MGA: variants seen among roughly 807,000 people sequenced by gnomAD.
MGA encodes the protein MAX gene-associated protein.
MGA carries 40 observed loss-of-function variants against 261.1 expected under a neutral mutation model. The ratio of observed to expected loss-of-function variants is 0.15; its 90% CI spans 0.12 to 0.20. The LOEUF (loss-of-function observed/expected upper bound fraction) is 0.20. Among genes scored for constraint, MGA ranks in the 10% least tolerant of loss-of-function variants. The pLI, the probability that MGA is intolerant of heterozygous loss-of-function variation, is 1.00. For missense variants in MGA, 3,397 were observed against 3,630.5 expected (o/e 0.94, Z 1.65); for synonymous variants, 1,302 against 1,290.6 (o/e 1.01, Z -0.19).
chr15:41,696,513 G>A lies in MGA; in HGVS notation c.1503G>A (p.Met501Ile), dbSNP rs780329871. 5 of 1,613,984 alleles carry A rather than the reference G, an allele frequency of 3.1e-6. No individual in the cohort carries two copies. Among genetic ancestry groups the A allele is most frequent in the South Asian group, 2.2e-5 (2 of 91,086 alleles). ...CATCTCGAAAGGATAAATCTTCTAT[G>A]TTGGCAGAATTGGAATATTTGCCTA... Residue 501 changes from methionine (M) to isoleucine (I), a missense_variant, in exon 3 of 24, where the codon ATG becomes ATA. Physicochemically the swap from Met to Ile is conservative, Grantham distance 10. This residue lies in a region of MGA where 563 missense variants were observed against 563.6 expected (regional missense o/e 1.00). Coordinates refer to ENST00000219905, the MANE Select transcript of MGA (RefSeq NM_001164273.2).
intron 1 of MGA, among the ~76,000 whole-genome samples, chr15:41,630,634 C>T (rs1458969140): frequency 6.6e-6 from 1 of 152,124 alleles, no homozygotes; most frequent in East Asian, 1.9e-4. Flanking sequence ...AGTCTTAGTT[C>T]AGAGACATAT....
chr15:41,674,280 C>G (rs2058250879), intron 2 of MGA, among the ~76,000 whole-genome samples: 1 of 152,214 alleles, frequency 6.6e-6, no homozygotes, highest in South Asian at 2.1e-4. Context: ...CACTGCACTT[C>G]TGCCTCCCAG....
chr15:41,718,380 A>T (rs1271646825), intron 9 of MGA: 12 of 1,073,882 alleles, frequency 1.1e-5, no homozygotes, highest in Non-Finnish European at 1.4e-5. Flanking sequence ...TTAAAACACC[A>T]ATTTGTGAGG....
At position 41,750,174 on chromosome 15, in the gene MGA, T is replaced by A; in HGVS notation, c.6567T>A (p.Ala2189=). 2 of 1,613,890 alleles carry A rather than the reference T, an allele frequency of 1.2e-6. No homozygotes were observed. The highest frequency in any genetic ancestry group is 1.7e-6 in the Non-Finnish European group (2 of 1,179,878). ...CCTTAACCAGGAAATGTGTTGGAGC[T>A]TCACAGGAATGTAAGAAAGAGGCAG... The change falls in exon 17 of 24, where the codon GCT becomes GCA. Residue 2189 remains alanine (A), a synonymous_variant. Transcript: ENST00000219905.
At chr15:41,748,589 G>C in intron 15 of MGA, 48 bp from the exon 16 acceptor site, 1 of 1,568,400 alleles carries the variant, frequency 6.4e-7, no homozygotes, top group East Asian at 2.3e-5. Context: ...TTTCCTACGT[G>C]TGTTAAAGGG....
intron 1 of MGA, among the ~76,000 whole-genome samples, chr15:41,629,452 C>T (rs559213065): frequency 6.6e-6 from 1 of 152,158 alleles, no homozygotes; most frequent in Non-Finnish European, 1.5e-5. Context: ...AATTCTAGAG[C>T]CTAGGGTCAA....
chr15:41,727,517 ATATGTT>A (rs2061312500), intron 10 of MGA, 111 bp downstream of exon 10: 3 of 989,046 alleles, frequency 3.0e-6, no homozygotes, highest in Non-Finnish European at 4.6e-6. Context: ...GCTTTCAGTA[ATATGTT>A]TATAAGATAT....
chr15:41,707,662 A>G (rs1178239484), intron 5 of MGA, 66 bp from the exon 6 acceptor site: 39 of 1,453,866 alleles, frequency 2.7e-5, no homozygotes, highest in Non-Finnish European at 3.6e-5. Context: ...CAAGTTAAAA[A>G]CAAAGAAGGG....
chr15:41,690,018 C>T (rs1446311503), intron 2 of MGA, among the ~76,000 whole-genome samples: 1 of 152,216 alleles, frequency 6.6e-6, no homozygotes, highest in African/African-American at 2.4e-5. Context: ...ACCGTTACTT[C>T]AGTGCTGCAG....
intron 7 of MGA, among the ~76,000 whole-genome samples, chr15:41,708,474 C>T (rs930830145): frequency 3.3e-5 from 5 of 152,242 alleles, no homozygotes; most frequent in Non-Finnish European, 5.9e-5. Context: ...TGTGCCACCA[C>T]GGCTGGCTAA....
rs367966611 is a variant in MGA, at chr15:41,767,028, G to C, written c.8946G>C (p.Leu2982Phe). The C allele has an allele frequency of 6.2e-7, 1 of 1,613,988 alleles. No individual in the cohort carries two copies. The highest frequency in any genetic ancestry group is 8.5e-7 in the Non-Finnish European group (1 of 1,179,908). ...AGAACAGCAACAGCACAGACACTTT[G>C]TGGAGGCCTATGCCAAAGTTGGCCC... The change falls in exon 24 of 24, where the codon TTG (leucine) becomes TTC (phenylalanine). Residue 2982 changes from leucine to phenylalanine, a missense_variant. Physicochemically the swap from Leu to Phe is conservative, Grantham distance 22. This residue lies in a region of MGA where 647 missense variants were observed against 642.4 expected (regional missense o/e 1.01). Transcript: ENST00000219905.
rs1347350892 is a variant in MGA at position 41,743,697 on chromosome 15, T to C, written c.5212+525T>C. ...GGGTGTGGGGGGTGCTGCTTTTTAA[T>C]TAGAGACAGATGAGCAGACTTCATC... is the stretch of plus-strand genomic sequence containing the variant. On this transcript the variant is annotated intron_variant, in intron 15 of 23. Transcript: ENST00000219905. Among the ~76,000 whole-genome samples the C allele has an allele frequency of 5.9e-5, 9 of 152,150 alleles. No homozygotes were observed. The East Asian group carries it at 1.5e-3, about 26-fold the overall frequency.
rs199900304 is a variant in MGA at position 41,703,375 on chromosome 15, C to CG, written c.2188+4216_2188+4217insG. On this transcript the variant is annotated intron_variant, in intron 5 of 23. Transcript: ENST00000219905. ...TTTATTCATTGTGAAGTTACCCCCC[C>CG]CCCCACTCCCCACCCTCCCTTTCTC... is the stretch of plus-strand genomic sequence containing the variant. Among the ~76,000 whole-genome samples the CG allele has an allele frequency of 5.4e-3, 767 of 140,738 alleles. 31 individuals are homozygous for CG. The highest frequency in any genetic ancestry group is 0.019 in the African/African-American group (744 of 39,262). 92.3% of individuals were successfully genotyped at this position (140,738 alleles called of 152,430 possible). A position where few individuals can be genotyped will look rare whatever the true frequency, so the allele number is the denominator to read the frequency against.
intron 19 of MGA, chr15:41,759,978 T>A (rs2063362046): frequency 9.5e-6 from 2 of 210,608 alleles, no homozygotes; most frequent in Non-Finnish European, 2.0e-5. Context: ...TTTAATGTAA[T>A]TTGTATCATG....
At chr15:41,667,435 A>G (rs937335949) in intron 1 of MGA, among the ~76,000 whole-genome samples, 1 of 152,014 alleles carries the variant, frequency 6.6e-6, no homozygotes, top group Non-Finnish European at 1.5e-5. Flanking sequence ...TAGTAGAGAC[A>G]GGGTTTCACC....
chr15:41,689,385 T>G (rs909343769), intron 2 of MGA, among the ~76,000 whole-genome samples: 1 of 149,890 alleles, frequency 6.7e-6, no homozygotes, highest in African/African-American at 2.5e-5. Context: ...TCTCCTTCTC[T>G]CCTTTTCTTT....
At chr15:41,737,848 C>T (rs1044596984) in intron 13 of MGA, among the ~76,000 whole-genome samples, 9 of 152,076 alleles carry the variant, frequency 5.9e-5, no homozygotes, top group East Asian at 1.9e-4. Flanking sequence ...GGCGTGGTGG[C>T]GCGCGCCTGT....
intron 1 of MGA, among the ~76,000 whole-genome samples, chr15:41,644,643 G>C (rs2056898636): frequency 6.6e-6 from 1 of 151,986 alleles, no homozygotes; most frequent in South Asian, 2.1e-4. Flanking sequence ...AGCCTGGGTG[G>C]ACTCTGTCTC....
intron 1 of MGA, among the ~76,000 whole-genome samples, chr15:41,632,720 G>A (rs1297829100): frequency 5.3e-5 from 8 of 151,610 alleles, no homozygotes; most frequent in Admixed American, 2.6e-4. Flanking sequence ...GCAATAAAGC[G>A]TTTCTTTTCT....
Sources: allele counts gnomAD v4.1 joint callset (sites outside exome capture counted in the v4.1 genomes callset), GRCh38; gene constraint gnomAD v4.1.1; regional missense constraint gnomAD v4.1.1; transcripts MANE v1.5; gene names NCBI Gene and HGNC (gene_info 2026-07-23, HGNC 2026-07-21).